Variants in ST6GALNAC3 observed in about 807,000 individuals in gnomAD.
The protein encoded by ST6GALNAC3 is ST6 N-acetylgalactosaminide alpha-2,6-sialyltransferase 3, also known as alpha-N-acetylgalactosaminide alpha-2,6-sialyltransferase 3.
ST6GALNAC3 carries 25 observed loss-of-function variants against 32.7 expected under a neutral mutation model. The ratio of observed to expected loss-of-function variants is 0.76; its 90% CI spans 0.56 to 1.07. The LOEUF is 1.07. ST6GALNAC3 is among the 50% of genes least tolerant of loss of function. The pLI is 0.00. For synonymous variants in ST6GALNAC3, 129 were observed against 133.1 expected (o/e 0.97, Z 0.21); for missense variants, 355 against 382.4 (o/e 0.93, Z 0.60).
At chr1:76,477,305 A>G (rs1006623454) in intron 3 of ST6GALNAC3, among the ~76,000 whole-genome samples, 20 of 152,092 alleles carry the variant, frequency 1.3e-4, no homozygotes, top group Non-Finnish European at 2.5e-4. Context: ...GAATCTTCCA[A>G]TTTTCCATTG....
Position 76,423,496 on chromosome 1 carries a change from A to G in ST6GALNAC3, c.623+11079A>G, listed in dbSNP as rs1042736464. On this transcript the variant is annotated intron_variant, in intron 3 of 4. Coordinates refer to ENST00000328299, the MANE Select transcript of ST6GALNAC3 (RefSeq NM_152996.4). ...AGAAGCATTGAAAAAGAACAGAAAC[A>G]TTTATTAAGCTCTACTGGCAAAATG... is the stretch of plus-strand genomic sequence containing the variant. Among the ~76,000 whole-genome samples, 4 of 152,034 alleles carry G rather than the reference A, an allele frequency of 2.6e-5. No individual in the cohort carries two copies. In the South Asian group the frequency reaches 6.2e-4, roughly 24 times the overall value.
At chr1:76,084,251 A>G (rs1373165969) in intron 1 of ST6GALNAC3, among the ~76,000 whole-genome samples, 1 of 152,232 alleles carries the variant, frequency 6.6e-6, no homozygotes, top group Non-Finnish European at 1.5e-5. Context: ...GCGACTGATG[A>G]GCAAGTAATG....
chr1:76,188,338 G>A lies in ST6GALNAC3; in HGVS notation c.18+113454G>A, dbSNP rs534593697. Among the ~76,000 whole-genome samples the A allele has an allele frequency of 3.3e-5, 5 of 152,198 alleles. No individual in the cohort carries two copies. In the South Asian group the frequency reaches 1.0e-3, roughly 32 times the overall value. ...GATCACACCACTGCACTCCAGCCTG[G>A]ATGACAGAGCAAGACTCCATCTCAA... On this transcript the variant is annotated intron_variant, in intron 1 of 4. Transcript: ENST00000328299.
At chr1:76,424,903 G>A (rs749937179) in intron 3 of ST6GALNAC3, among the ~76,000 whole-genome samples, 1 of 151,840 alleles carries the variant, frequency 6.6e-6, no homozygotes, top group Non-Finnish European at 1.5e-5. Flanking sequence ...AGTCCTTTGA[G>A]TCTCTTTGTG....
intron 3 of ST6GALNAC3, among the ~76,000 whole-genome samples, chr1:76,421,777 T>C (rs1225636340): frequency 6.6e-6 from 1 of 151,966 alleles, no homozygotes; most frequent in African/African-American, 2.4e-5. Flanking sequence ...AAGAATAAAT[T>C]TGTATATAGA....
At chr1:76,076,811 A>G (rs1646822492) in intron 1 of ST6GALNAC3, among the ~76,000 whole-genome samples, 1 of 152,206 alleles carries the variant, frequency 6.6e-6, no homozygotes, top group Admixed American at 6.5e-5. Context: ...CATTTTACAG[A>G]TGAGAAAGTT....
chr1:76,610,870 A>G (rs938574473), intron 3 of ST6GALNAC3, among the ~76,000 whole-genome samples: 5 of 152,194 alleles, frequency 3.3e-5, no homozygotes, highest in African/African-American at 1.2e-4. Context: ...ACTCCACATT[A>G]AAAAGCGAAA....
chr1:76,305,827 A>G, intron 1 of ST6GALNAC3: 1 of 485,386 alleles, frequency 2.1e-6, no homozygotes, highest in South Asian at 1.5e-5. Flanking sequence ...AGACAAAGAA[A>G]TAGAGGCATA....
At chr1:76,207,632 G>T (rs974420249) in intron 1 of ST6GALNAC3, among the ~76,000 whole-genome samples, 1 of 152,112 alleles carries the variant, frequency 6.6e-6, no homozygotes, top group Non-Finnish European at 1.5e-5. Context: ...CGGTGATCAT[G>T]GCATTAACTC....
In ST6GALNAC3 at chr1:76,628,988, G is replaced by A. The variant is rs1485414654; in HGVS notation, c.*182G>A. On this transcript the variant is annotated 3_prime_UTR_variant, in exon 5 of 5. Coordinates refer to ENST00000328299, the MANE Select transcript of ST6GALNAC3 (RefSeq NM_152996.4). ...TAATTTAAACTTGGCATTTCATGGA[G>A]GATGGTTGTGCTCATGATGTTCTTT... 7 of 1,403,886 alleles carry A rather than the reference G, an allele frequency of 5.0e-6. No homozygotes were observed. In the Admixed American group the frequency reaches 2.3e-4, roughly 46 times the overall value. 87.0% of individuals were successfully genotyped at this position (1,403,886 alleles called of 1,614,324 possible).
At chr1:76,201,121 CAA>C (rs763476879) in intron 1 of ST6GALNAC3, among the ~76,000 whole-genome samples, 2 of 152,082 alleles carry the variant, frequency 1.3e-5, no homozygotes, top group Non-Finnish European at 2.9e-5. Context: ...AACCAGAAAG[CAA>C]AAGAGAGTTA....
chr1:76,276,998 G>A (rs923419644), intron 1 of ST6GALNAC3, among the ~76,000 whole-genome samples: 1 of 151,924 alleles, frequency 6.6e-6, no homozygotes, highest in Non-Finnish European at 1.5e-5. Flanking sequence ...TTTTGATTTT[G>A]TGTTGTTTTC....
chr1:76,493,649 A>C (rs886414713), intron 3 of ST6GALNAC3, among the ~76,000 whole-genome samples: 5 of 152,166 alleles, frequency 3.3e-5, no homozygotes, highest in Non-Finnish European at 7.4e-5. Flanking sequence ...TTATCTCCCC[A>C]GAATAAAAGA....
At chr1:76,091,464 C>T (rs1441862013) in intron 1 of ST6GALNAC3, among the ~76,000 whole-genome samples, 3 of 152,208 alleles carry the variant, frequency 2.0e-5, no homozygotes, top group Admixed American at 2.0e-4. Context: ...GTTTCCCTGA[C>T]TTAGAATGTG....
At chr1:76,368,079 T>C (rs983552230) in intron 2 of ST6GALNAC3, among the ~76,000 whole-genome samples, 2 of 152,118 alleles carry the variant, frequency 1.3e-5, no homozygotes, top group Non-Finnish European at 2.9e-5. Context: ...AACTGCCCTC[T>C]GTGCTCTAGC....
At chr1:76,191,287 C>T (rs1158005836) in intron 1 of ST6GALNAC3, among the ~76,000 whole-genome samples, 1 of 150,626 alleles carries the variant, frequency 6.6e-6, no homozygotes, top group African/African-American at 2.5e-5. Flanking sequence ...CTCACTCTTA[C>T]GTGGATTCTA....
intron 3 of ST6GALNAC3, among the ~76,000 whole-genome samples, chr1:76,549,768 A>T (rs1230647308): frequency 6.6e-6 from 1 of 152,192 alleles, no homozygotes; most frequent in East Asian, 1.9e-4. Context: ...TGATTCGGCC[A>T]AAGTGTTCTA....
chr1:76,081,367 A>T (rs970144053), intron 1 of ST6GALNAC3, among the ~76,000 whole-genome samples: 2 of 151,990 alleles, frequency 1.3e-5, no homozygotes, highest in African/African-American at 2.4e-5. Context: ...GTTGGGCCAC[A>T]TTCAAAGCTG....
At chr1:76,398,593 T>C (rs1020578942) in intron 2 of ST6GALNAC3, among the ~76,000 whole-genome samples, 1 of 152,198 alleles carries the variant, frequency 6.6e-6, no homozygotes, top group African/African-American at 2.4e-5. Flanking sequence ...TTATTTGTTT[T>C]CAATGCTGGA....
Sources: gnomAD v4.1 joint callset for allele counts (sites outside exome capture counted in the v4.1 genomes callset) on GRCh38, gnomAD v4.1.1 for gene constraint, MANE v1.5 for transcripts, NCBI Gene and HGNC (gene_info 2026-07-23, HGNC 2026-07-21) for gene names.